Variants in CCAR1 observed in about 807,000 individuals in gnomAD.
The protein encoded by CCAR1 is cell division cycle and apoptosis regulator protein 1.
A neutral mutation model predicts 163.8 loss-of-function variants in CCAR1; 78 were observed. That is an observed-to-expected ratio of 0.48 (90% CI 0.40 to 0.57). The LOEUF is 0.57. CCAR1 is among the 20% of genes least tolerant of loss of function. The probability of loss-of-function intolerance (pLI) is 0.00; values close to 1 mark genes in which losing one functional copy is unlikely to be tolerated. For synonymous variants in CCAR1, 443 were observed against 460.7 expected (o/e 0.96, Z 0.49); for missense variants, 1,019 against 1,365.2 (o/e 0.75, Z 4.00).
At chr10:68,741,333 A>G (rs2056181339) in intron 5 of CCAR1, among the ~76,000 whole-genome samples, 1 of 152,158 alleles carries the variant, frequency 6.6e-6, no homozygotes, top group Non-Finnish European at 1.5e-5. Context: ...TTATTGTGTG[A>G]CATTATCTGC....
chr10:68,746,227 T>TCC (rs1303356060), intron 6 of CCAR1, among the ~76,000 whole-genome samples: 16 of 151,466 alleles, frequency 1.1e-4, no homozygotes, highest in Non-Finnish European at 2.2e-4. Context: ...CACCTCGGCC[T>TCC]CCCAAAGGGT....
rs201173177 is a variant in CCAR1 at position 68,740,607 on chromosome 10, G to A, written c.292-22G>A. ...AATTCTGATTGACCCTTTTCTGTGT[G>A]TGTTTATTTTTCTGTTTTCAGTTAC... On this transcript the variant is annotated intron_variant, in intron 4 of 24. Transcript: ENST00000265872. The A allele has an allele frequency of 3.1e-6, 5 of 1,604,784 alleles. No homozygotes were observed. The African/African-American group carries it at 5.4e-5, about 17-fold the overall frequency.
Position 68,753,947 on chromosome 10 carries a change from T to C in CCAR1, c.1214T>C (p.Phe405Ser). 6.2e-7 allele frequency: 1 copy of C among 1,614,052 alleles called. No homozygotes were observed. The highest frequency in any genetic ancestry group is 8.5e-7 in the Non-Finnish European group (1 of 1,179,952). ...GCTCAATTTACATGGGTGGATGCTT[T>C]CCCTTTGTCAAGACCATTTCAGCTG... ...FDAQFTWVDA[F>S]PLSRPFQLGN... Residue 405 changes from phenylalanine to serine, a missense_variant, in exon 11 of 25, where the codon TTC becomes TCC. Phe to Ser is a radical substitution (Grantham distance 155). Transcript: ENST00000265872.
chr10:68,786,383 CT>C (rs1175531856), intron 20 of CCAR1, among the ~76,000 whole-genome samples, 162 bp from the exon 21 acceptor site: 1 of 151,992 alleles, frequency 6.6e-6, no homozygotes, highest in Non-Finnish European at 1.5e-5. Context: ...ATGTCTGATT[CT>C]TTTCTCTCAT....
In CCAR1 at chr10:68,732,348, G is replaced by T. The variant is rs553616077; in HGVS notation, c.74-4528G>T. The stretch of plus-strand genomic sequence containing the variant: ...ATTACCAGAACAGTTTTGTTTGTTT[G>T]TTTGTTTGTTTGTTTGTTTGAGACA... On this transcript the variant is annotated intron_variant, in intron 2 of 24. Transcript: ENST00000265872. Among the ~76,000 whole-genome samples the T allele has an allele frequency of 2.9e-3, 435 of 151,830 alleles. 3 individuals are homozygous for T. Among genetic ancestry groups the T allele is most frequent in the African/African-American group, 0.01 (422 of 41,424 alleles).
intron 4 of CCAR1, among the ~76,000 whole-genome samples, chr10:68,739,128 A>T (rs996470908): frequency 6.6e-6 from 1 of 152,164 alleles, no homozygotes; most frequent in Non-Finnish European, 1.5e-5. Context: ...GCTTTAGTCT[A>T]AGCATGTCCC....
intron 10 of CCAR1, among the ~76,000 whole-genome samples, chr10:68,752,339 TTA>T (rs1222903880): frequency 6.6e-6 from 1 of 152,228 alleles, no homozygotes; most frequent in African/African-American, 2.4e-5. Flanking sequence ...CAAGATTTTC[TTA>T]TACTAATATG....
chr10:68,771,983 G>T (rs2056609732), intron 18 of CCAR1, among the ~76,000 whole-genome samples: 1 of 151,772 alleles, frequency 6.6e-6, no homozygotes, highest in South Asian at 2.1e-4. Context: ...CAGTTCTCCT[G>T]CCTCAGTCTC....
intron 5 of CCAR1, among the ~76,000 whole-genome samples, chr10:68,740,967 G>A (rs767168832): frequency 1.3e-5 from 2 of 151,606 alleles, no homozygotes; most frequent in Non-Finnish European, 2.9e-5. Flanking sequence ...AGGCTGGAGT[G>A]CAATGGCGCA....
rs1303387941 is a variant in CCAR1, at chr10:68,786,228, G to A, written c.2733+10G>A. 1 of 1,536,256 alleles carries A rather than the reference G, an allele frequency of 6.5e-7. No homozygotes were observed. The highest frequency in any genetic ancestry group is 2.3e-5 in the East Asian group (1 of 44,184). On this transcript the variant is annotated intron_variant, in intron 20 of 24. Coordinates refer to ENST00000265872, the MANE Select transcript of CCAR1 (RefSeq NM_018237.4). ...GCCCTCTAAAGATAAGGTGTTTATTGAATACTGTATTCTTTATAATATGGT... is the reference window on the plus strand; with the variant it reads ...GCCCTCTAAAGATAAGGTGTTTATTAAATACTGTATTCTTTATAATATGGT...
intron 2 of CCAR1, among the ~76,000 whole-genome samples, chr10:68,724,525 C>T (rs527945505): frequency 4.9e-4 from 74 of 152,118 alleles, no homozygotes; most frequent in African/African-American, 1.6e-3. Flanking sequence ...TTTGGGCTCA[C>T]GCGATCCTCC....
chr10:68,777,378 C>G (rs963252789), intron 19 of CCAR1, among the ~76,000 whole-genome samples: 1 of 152,030 alleles, frequency 6.6e-6, no homozygotes, highest in Non-Finnish European at 1.5e-5. Flanking sequence ...ATTTTTACTT[C>G]ATAGAAGAAG....
Position 68,771,244 on chromosome 10 carries a change from A to G in CCAR1, c.2337A>G (p.Gln779=), listed in dbSNP as rs2056598662. Residue 779 remains glutamine, a synonymous_variant, in exon 18 of 25, where the codon CAA becomes CAG. Coordinates refer to ENST00000265872, the MANE Select transcript of CCAR1 (RefSeq NM_018237.4). ...LFAELFNEML[Q]RDFGVRIYKS... is the part of the protein sequence containing the mutation. The stretch of plus-strand genomic sequence containing the variant: ...CGGAACTTTTCAACGAAATGCTTCA[A>G]AGAGATTTTGGTGTCCGTATATACA... The G allele has an allele frequency of 1.3e-6, 2 of 1,594,944 alleles. No homozygotes were observed. Among genetic ancestry groups the G allele is most frequent in the South Asian group, 1.2e-5 (1 of 85,082 alleles).
At chr10:68,745,290 G>A (rs533762242) in intron 6 of CCAR1, among the ~76,000 whole-genome samples, 2 of 152,146 alleles carry the variant, frequency 1.3e-5, no homozygotes, top group East Asian at 3.9e-4. Flanking sequence ...ACAGGCATGA[G>A]CCGCCACGCC....
chr10:68,766,349 C>A (rs2056535393), intron 17 of CCAR1, among the ~76,000 whole-genome samples: 1 of 145,574 alleles, frequency 6.9e-6, no homozygotes, highest in Non-Finnish European at 1.5e-5. Context: ...ATTACAGGCA[C>A]CTGCCACCAC....
In CCAR1 at chr10:68,721,287, A is replaced by G. The variant is rs933541641; in HGVS notation, c.-51+5A>G. Reference sequence around the variant, plus strand: ...GTTAGCCGGGACCCGACTCAGGTGAAGGTCTGGTCCCCGTAGTTGGAGCAG... The same window carrying G: ...GTTAGCCGGGACCCGACTCAGGTGAGGGTCTGGTCCCCGTAGTTGGAGCAG... On this transcript the variant is annotated splice_donor_5th_base_variant and intron_variant, in intron 1 of 24. Coordinates refer to ENST00000265872, the MANE Select transcript of CCAR1 (RefSeq NM_018237.4). 1 of 187,598 alleles carries G rather than the reference A, an allele frequency of 5.3e-6. No homozygotes were observed. Among genetic ancestry groups the G allele is most frequent in the African/African-American group, 2.4e-5 (1 of 41,600 alleles). The allele number at this position is 187,598 out of a possible 1,614,324, so 11.6% of individuals were successfully genotyped here. A position where few individuals can be genotyped will look rare whatever the true frequency, so the allele number is the denominator to read the frequency against.
intron 24 of CCAR1, 131 bp from the exon 25 acceptor site, chr10:68,791,076 C>T: frequency 2.1e-6 from 1 of 486,518 alleles, no homozygotes; most frequent in South Asian, 3.3e-5. Context: ...TTTTAAGATA[C>T]TAAAATTAAT....
chr10:68,772,269 C>T (rs1174142695), intron 18 of CCAR1, among the ~76,000 whole-genome samples: 1 of 151,888 alleles, frequency 6.6e-6, no homozygotes, highest in Non-Finnish European at 1.5e-5. Context: ...GATTGCTTGA[C>T]TCCAGTAGTT....
At chr10:68,723,644 C>T (rs533728158) in intron 2 of CCAR1, among the ~76,000 whole-genome samples, 5 of 143,808 alleles carry the variant, frequency 3.5e-5, no homozygotes, top group Non-Finnish European at 7.6e-5. Flanking sequence ...GTCAGGAAAT[C>T]GAGACCATCC....
Sources: allele counts gnomAD v4.1 joint callset (sites outside exome capture counted in the v4.1 genomes callset), GRCh38; gene constraint gnomAD v4.1.1; transcripts MANE v1.5; gene names NCBI Gene and HGNC (gene_info 2026-07-23, HGNC 2026-07-21).